OTOG: variants seen among roughly 807,000 people sequenced by gnomAD.
OTOG encodes otogelin.
In OTOG, 296 loss-of-function variants were observed where a neutral mutation model predicts 313.8. That is an observed-to-expected ratio of 0.94 (90% confidence interval 0.86 to 1.04). OTOG has a LOEUF of 1.04. Among genes scored for constraint, OTOG ranks in the 50% least tolerant of loss-of-function variants. The pLI is 0.00. For synonymous variants in OTOG, 1,533 were observed against 1,554.9 expected (o/e 0.99, Z 0.33); for missense variants, 3,948 against 3,840.1 (o/e 1.03, Z -0.74).
intron 11 of OTOG, 68 bp downstream of exon 11, chr11:17,559,229 C>A: frequency 2.5e-6 from 3 of 1,195,648 alleles, no homozygotes; most frequent in South Asian, 1.5e-5. Flanking sequence ...GGCCTCAGCT[C>A]AATGTCTTGT....
chr11:17,632,844 C>A (rs1189089294), intron 42 of OTOG, among the ~76,000 whole-genome samples: 1 of 152,110 alleles, frequency 6.6e-6, no homozygotes, highest in African/African-American at 2.4e-5. Context: ...TCCACACCCA[C>A]AATATGACAA....
rs116395080 is a variant in OTOG, at chr11:17,576,248, C to T, written c.2487-308C>T. Among the ~76,000 whole-genome samples the T allele has an allele frequency of 2.6e-3, 399 of 152,318 alleles. 2 individuals are homozygous for T. Among genetic ancestry groups the T allele is most frequent in the African/African-American group, 9.2e-3 (382 of 41,568 alleles). On this transcript the variant is annotated intron_variant, in intron 20 of 55. Transcript: ENST00000399397. Reference sequence around the variant, plus strand: ...ACATGGCATGGGCTCAGGAGCTGTGCTCCTGTTCTTACTGCCCCTCCCTTC... The same window carrying T: ...ACATGGCATGGGCTCAGGAGCTGTGTTCCTGTTCTTACTGCCCCTCCCTTC...
chr11:17,642,227 A>G lies in OTOG; in HGVS notation c.8396A>G (p.Asn2799Ser), dbSNP rs1483694259. ...TCTCCCATAAGCTGCCCACCGCTCA[A>G]TGAGACTGAGTGTGCCAAGGTCAGT... ...VRSPISCPPLNETECAKVGGS... is the reference protein window; with the variant it reads ...VRSPISCPPLSETECAKVGGS... The change falls in exon 53 of 56, where the codon AAT becomes AGT. Residue 2799 changes from asparagine (N) to serine (S), a missense_variant. Physicochemically the swap from Asn to Ser is conservative, Grantham distance 46 (BLOSUM62 1). Transcript: ENST00000399397. The G allele has an allele frequency of 6.5e-7, 1 of 1,549,852 alleles. No homozygotes were observed. The highest frequency in any genetic ancestry group is 1.2e-5 in the South Asian group (1 of 83,936).
intron 12 of OTOG, 34 bp downstream of exon 12, chr11:17,559,696 A>G: frequency 6.5e-7 from 1 of 1,536,280 alleles, no homozygotes; most frequent in South Asian, 1.2e-5. Flanking sequence ...GCCTGGCACC[A>G]TCTTCCTGGC....
At chr11:17,577,776 A>G (rs1345225122) in intron 22 of OTOG, among the ~76,000 whole-genome samples, 1 of 152,276 alleles carries the variant, frequency 6.6e-6, no homozygotes, top group African/African-American at 2.4e-5. Context: ...TGGGCATGGA[A>G]CTCAGCTCCT....
At chr11:17,609,429 T>C in intron 35 of OTOG, among the ~76,000 whole-genome samples, 1 of 151,828 alleles carries the variant, frequency 6.6e-6, no homozygotes, top group East Asian at 1.9e-4. Context: ...GGTCACATGG[T>C]GAGAAGGTGG....
At chr11:17,593,932 A>T (rs1853022400) in intron 27 of OTOG, 115 bp from the exon 28 acceptor site, 2 of 1,437,388 alleles carry the variant, frequency 1.4e-6, no homozygotes, top group East Asian at 2.5e-5. Flanking sequence ...TCAAACTGTG[A>T]CCTCAGCAGT....
chr11:17,558,550 C>T lies in OTOG; in HGVS notation c.1009C>T (p.Gln337Ter). ...NPGTMQGVYEQCEALLRPPFD... is the reference protein window; with the variant it reads ...NPGTMQGVYE ...TCCCTTGCTCTAGGGCGTGTACGAG[C>T]AGTGTGAGGCTCTACTGCGGCCCCC... Residue 337 changes from glutamine (Q) to a stop codon, truncating the protein, a stop_gained, in exon 10 of 56, where the codon CAG becomes TAG. Transcript: ENST00000399397. LOFTEE classifies it high-confidence loss of function. 1 of 1,550,502 alleles carries T rather than the reference C, an allele frequency of 6.4e-7. No homozygotes were observed. Among genetic ancestry groups the T allele is most frequent in the African/African-American group, 1.4e-5 (1 of 73,186 alleles).
At position 17,570,347 on chromosome 11, in the gene OTOG, G is replaced by C; in HGVS notation, c.1912G>C (p.Gly638Arg). Residue 638 changes from glycine (G) to arginine (R), a missense_variant, in exon 17 of 56, where the codon GGC (glycine) becomes CGC (arginine). By Grantham distance (125) the Gly-to-Arg change is moderately radical. Coordinates refer to ENST00000399397, the MANE Select transcript of OTOG (RefSeq NM_001292063.2). ...CCAGCGATGGGTGGAGGATACCGTG[G>C]GCCTCTGCGGCACCTTCAATGGCAA... The part of the protein sequence containing the change: ...VDQRWVEDTV[G>R]LCGTFNGNTQ... The C allele has an allele frequency of 6.4e-7, 1 of 1,550,560 alleles. No individual in the cohort carries two copies. Among genetic ancestry groups the C allele is most frequent in the Non-Finnish European group, 8.7e-7 (1 of 1,146,986 alleles).
chr11:17,559,114 A>T lies in OTOG; in HGVS notation c.1166A>T (p.Gln389Leu), dbSNP rs888568695. The T allele has an allele frequency of 2.1e-5, 32 of 1,544,264 alleles. No homozygotes were observed. Among genetic ancestry groups the T allele is most frequent in the Non-Finnish European group, 2.7e-5 (31 of 1,146,934 alleles). ...GCGGAGTATGCCCGGGCGTGTGCCC[A>T]GGCAGGGCGGCCCTTGCAAGGCTGG... Reference protein sequence around the residue: ...ALAEYARACAQAGRPLQGWRT... With the variant: ...ALAEYARACALAGRPLQGWRT... The change falls in exon 11 of 56, where the codon CAG (glutamine) becomes CTG (leucine). Residue 389 changes from glutamine to leucine, a missense_variant. Gln to Leu is a moderately radical substitution (Grantham distance 113). Coordinates refer to ENST00000399397, the MANE Select transcript of OTOG (RefSeq NM_001292063.2).
At chr11:17,608,015 C>T (rs1407600241) in intron 33 of OTOG, among the ~76,000 whole-genome samples, 7 of 152,200 alleles carry the variant, frequency 4.6e-5, no homozygotes, top group Admixed American at 3.3e-4. Flanking sequence ...CTCACTCCAA[C>T]TGCCGGGGCC....
intron 6 of OTOG, among the ~76,000 whole-genome samples, chr11:17,555,000 G>T (rs1852022223): frequency 6.6e-6 from 1 of 152,150 alleles, no homozygotes; most frequent in Admixed American, 6.5e-5. Context: ...TAGACCATGG[G>T]GTAGCTTTCA....
chr11:17,593,697 A>T lies in OTOG; in HGVS notation c.3229A>T (p.Ile1077Phe), dbSNP rs56359117. 2.6e-5 allele frequency: 41 copies of T among 1,548,848 alleles called. No homozygotes were observed. The highest frequency in any genetic ancestry group is 4.1e-5 in the African/African-American group (3 of 72,982). The change falls in exon 27 of 56, where the codon ATC becomes TTC. Residue 1077 changes from isoleucine (I) to phenylalanine (F), a missense_variant. Transcript: ENST00000399397. ...FTLVHFPQEH[I>F]TLLWDQRTTV... ...ACTGGTGCATTTCCCACAGGAGCACATCACCCTCTTGTGGGACCAGAGAAC... is the reference window on the plus strand; with the variant it reads ...ACTGGTGCATTTCCCACAGGAGCACTTCACCCTCTTGTGGGACCAGAGAAC...
chr11:17,549,215 A>C (rs536532214), intron 3 of OTOG, among the ~76,000 whole-genome samples: 17 of 152,120 alleles, frequency 1.1e-4, no homozygotes, highest in Non-Finnish European at 2.1e-4. Flanking sequence ...AGTTCCACCC[A>C]CCTGCAGCTA....
At chr11:17,593,954 C>T (rs914900957) in intron 27 of OTOG, 93 bp from the exon 28 acceptor site, 6 of 1,500,890 alleles carry the variant, frequency 4.0e-6, no homozygotes, top group Non-Finnish European at 5.4e-6. Flanking sequence ...GCTTCTAGGT[C>T]TATGATAGAC....
chr11:17,619,217 G>A (rs747429488), intron 39 of OTOG, among the ~76,000 whole-genome samples: 59 of 152,194 alleles, frequency 3.9e-4, no homozygotes, highest in Non-Finnish European at 7.5e-4. Flanking sequence ...GCTGCAGTGA[G>A]CCGTGATTGC....
At chr11:17,556,001 G>A in intron 7 of OTOG, 104 bp downstream of exon 7, 1 of 877,320 alleles carries the variant, frequency 1.1e-6, no homozygotes, top group Non-Finnish European at 1.8e-6. Context: ...TTGTTTTCTG[G>A]GGACAAACAG....
intron 32 of OTOG, among the ~76,000 whole-genome samples, chr11:17,604,207 G>A (rs993028657): frequency 6.6e-6 from 1 of 152,214 alleles, no homozygotes; most frequent in African/African-American, 2.4e-5. Context: ...GATGGCAGGC[G>A]AAGTCACTCG....
chr11:17,556,184 A>T (rs923768525), intron 7 of OTOG, among the ~76,000 whole-genome samples: 3 of 152,126 alleles, frequency 2.0e-5, no homozygotes, highest in East Asian at 3.9e-4. Flanking sequence ...CATGATAAGC[A>T]TGCTTACTTT....
Sources: allele counts gnomAD v4.1 joint callset (sites outside exome capture counted in the v4.1 genomes callset), GRCh38; gene constraint gnomAD v4.1.1; transcripts MANE v1.5; gene names NCBI Gene and HGNC (gene_info 2026-07-23, HGNC 2026-07-21).